The following INSL6 variants were observed in gnomAD, a reference collection of about 807,000 sequenced individuals.
The protein encoded by INSL6 is insulin-like peptide INSL6.
In INSL6, 16 loss-of-function variants were observed where a neutral mutation model predicts 9.4. The observed-to-expected ratio is 1.70, with a 90% confidence interval of 1.15 to 2.59. The LOEUF (loss-of-function observed/expected upper bound fraction) is 2.59. Ranked by LOEUF, INSL6 falls within the 30% of genes most tolerant of loss-of-function variation. INSL6 has a pLI of 0.00. For missense variants in INSL6, 391 were observed against 257.3 expected (o/e 1.52, Z -3.56); for synonymous variants, 154 against 96.9 (o/e 1.59, Z -3.46).
the INSL6 span, among the ~76,000 whole-genome samples, chr9:5,048,627 C>G: frequency 6.6e-6 from 1 of 151,980 alleles, no homozygotes; most frequent in East Asian, 1.9e-4. Context: ...ACGTTTAGGC[C>G]TTTGTTTTGG....
At chr9:5,092,300 C>A in the INSL6 span, among the ~76,000 whole-genome samples, 1 of 152,114 alleles carries the variant, frequency 6.6e-6, no homozygotes, top group African/African-American at 2.4e-5. Flanking sequence ...CACTGCCTGT[C>A]ACCCTCCGCA....
At chr9:5,134,029 C>T (rs568414727) in intron 2 of INSL6, among the ~76,000 whole-genome samples, 47 of 152,186 alleles carry the variant, frequency 3.1e-4, no homozygotes, top group Non-Finnish European at 6.0e-4. Context: ...AAAAACAGCA[C>T]GAGAACTTCA....
chr9:5,039,498 G>T, the INSL6 span, among the ~76,000 whole-genome samples: 2 of 152,046 alleles, frequency 1.3e-5, no homozygotes, highest in Non-Finnish European at 2.9e-5. Flanking sequence ...GCAGATTTTG[G>T]TATGTGTGGG....
At chr9:5,097,570 T>C in the INSL6 span, 1 of 152,214 alleles carries the variant, frequency 6.6e-6, no homozygotes, top group African/African-American at 2.4e-5. Flanking sequence ...CACATGAGCA[T>C]ACTTCACCTC....
the INSL6 span, chr9:5,098,427 A>C: frequency 6.6e-6 from 1 of 152,174 alleles, no homozygotes; most frequent in Non-Finnish European, 1.5e-5. Context: ...ACGTTCTTAT[A>C]ATTATTTTCC....
At chr9:5,176,135 G>A (rs1825304050) in intron 1 of INSL6, among the ~76,000 whole-genome samples, 2 of 152,134 alleles carry the variant, frequency 1.3e-5, no homozygotes, top group Admixed American at 6.5e-5. Context: ...ACCACATTTG[G>A]ACTCTTTGCT....
At chr9:5,004,887 T>C in the INSL6 span, among the ~76,000 whole-genome samples, 2 of 151,832 alleles carry the variant, frequency 1.3e-5, no homozygotes, top group African/African-American at 4.8e-5. Flanking sequence ...TGAACGTTTT[T>C]TCATGAACAT....
chr9:4,993,006 T>C, the INSL6 span, among the ~76,000 whole-genome samples: 2 of 152,164 alleles, frequency 1.3e-5, no homozygotes, highest in Non-Finnish European at 1.5e-5. Context: ...TTTGTAAGAG[T>C]AGCTTTCTGA....
chr9:5,142,555 A>C (rs897872385), intron 2 of INSL6, among the ~76,000 whole-genome samples: 1 of 152,208 alleles, frequency 6.6e-6, no homozygotes, highest in African/African-American at 2.4e-5. Flanking sequence ...TTGATCTTGT[A>C]TCCTGAGGCT....
chr9:5,027,625 T>C, the INSL6 span, among the ~76,000 whole-genome samples: 1 of 152,208 alleles, frequency 6.6e-6, no homozygotes, highest in Non-Finnish European at 1.5e-5. Context: ...TGATAGCATT[T>C]TACCCGCAGT....
chr9:4,994,274 A>G, the INSL6 span, among the ~76,000 whole-genome samples: 1 of 152,222 alleles, frequency 6.6e-6, no homozygotes, highest in Non-Finnish European at 1.5e-5. Flanking sequence ...ACTTAAAGTC[A>G]CAGTTTCCAA....
chr9:5,016,710 G>A, the INSL6 span, among the ~76,000 whole-genome samples: 8 of 152,070 alleles, frequency 5.3e-5, no homozygotes, highest in South Asian at 1.7e-3. Context: ...AGGCACCCCA[G>A]AGGTCTCCCT....
At chr9:5,133,417 A>G (rs1824329259) in intron 3 of INSL6, 1 of 152,108 alleles carries the variant, frequency 6.6e-6, no homozygotes. Context: ...ATCTTTTTAA[A>G]AAGTTACCTT....
At chr9:5,185,207 C>G (rs1825540702) in intron 1 of INSL6, 107 bp downstream of exon 1, 2 of 1,393,186 alleles carry the variant, frequency 1.4e-6, no homozygotes, top group East Asian at 2.3e-5. Flanking sequence ...GAGCTGTGTA[C>G]TAGGCACAAA....
chr9:5,099,789 C>G, the INSL6 span: 10 of 152,204 alleles, frequency 6.6e-5, no homozygotes, highest in African/African-American at 9.7e-5. Context: ...TAATTATCTT[C>G]ACTGCCTCAA....
the INSL6 span, chr9:5,110,737 G>A: frequency 2.7e-6 from 1 of 366,278 alleles, no homozygotes; most frequent in African/African-American, 2.1e-5. Context: ...TAGTACCCGT[G>A]TTATTTTCTT....
the INSL6 span, among the ~76,000 whole-genome samples, chr9:5,083,231 G>A: frequency 1.3e-5 from 2 of 152,114 alleles, no homozygotes; most frequent in Admixed American, 6.5e-5. Flanking sequence ...TAGGGTCTAG[G>A]ATTTTGACTG....
chr9:5,173,783 A>G (rs1825236388), intron 1 of INSL6, among the ~76,000 whole-genome samples: 1 of 152,180 alleles, frequency 6.6e-6, no homozygotes, highest in African/African-American at 2.4e-5. Flanking sequence ...AATTAAAAAA[A>G]AAAAAAGAAT....
exon 4 of INSL6, among the ~76,000 whole-genome samples, chr9:5,123,884 TTC>T (rs970493899): frequency 1.3e-5 from 2 of 151,378 alleles, no homozygotes; most frequent in African/African-American, 2.4e-5. Context: ...GGGTAATTTT[TTC>T]TCTTTTTTTT....
Sources: gnomAD v4.1 joint callset for allele counts (sites outside exome capture counted in the v4.1 genomes callset) on GRCh38, gnomAD v4.1.1 for gene constraint, MANE v1.5 for transcripts, NCBI Gene and HGNC (gene_info 2026-07-23, HGNC 2026-07-21) for gene names.